KCNAB2: variants seen among roughly 807,000 people sequenced by gnomAD.
KCNAB2 encodes potassium voltage-gated channel subfamily A regulatory beta subunit 2, also known as voltage-gated potassium channel subunit beta-2.
In KCNAB2, 29 loss-of-function variants were observed where a neutral mutation model predicts 63.6. The observed-to-expected ratio is 0.46, with a 90% confidence interval of 0.34 to 0.62. The LOEUF (loss-of-function observed/expected upper bound fraction) is 0.62. Among genes scored for constraint, KCNAB2 ranks in the 20% least tolerant of loss-of-function variants. The pLI is 0.01. For missense variants in KCNAB2, 359 were observed against 563.9 expected, an observed-to-expected ratio of 0.64 and a Z score of 3.68; for synonymous variants, 222 against 224.2, an observed-to-expected ratio of 0.99 and a Z score of 0.09.
chr1:6,097,782 C>A (rs1488218591), intron 15 of KCNAB2: 2 of 393,862 alleles, frequency 5.1e-6, no homozygotes, highest in African/African-American at 4.1e-5. Flanking sequence ...TGCAAAGGCC[C>A]AAAAAGGCCT....
intron 1 of KCNAB2, among the ~76,000 whole-genome samples, chr1:6,014,658 T>A (rs2100293462): frequency 6.6e-6 from 1 of 152,216 alleles, no homozygotes; most frequent in African/African-American, 2.4e-5. Flanking sequence ...CCAGAGAAGA[T>A]GAACCTGATG....
At position 6,096,716 on chromosome 1, in the gene KCNAB2, C is replaced by T. The variant is rs1358226540; in HGVS notation, c.1029C>T (p.Ile343=). The T allele has an allele frequency of 4.4e-6, 7 of 1,596,600 alleles. No homozygotes were observed. The highest frequency in any genetic ancestry group is 4.5e-5 in the East Asian group (2 of 44,184). ...QQAKLKELQA[I]AERLGCTLPQ... is the part of the protein sequence containing the mutation. Reference sequence around the variant, plus strand: ...CCAAGCTGAAGGAGCTGCAGGCCATCGCCGAGCGCCTGGGCTGCACCCTGC... The same window carrying T: ...CCAAGCTGAAGGAGCTGCAGGCCATTGCCGAGCGCCTGGGCTGCACCCTGC... The change falls in exon 14 of 16, where the codon ATC becomes ATT. Residue 343 remains isoleucine (I), a synonymous_variant. Transcript: ENST00000378083. This position sits in a 1 kb window ranked among gnomAD's most constrained non-coding sequence, Gnocchi z 5.9.
chr1:6,008,833 G>C (rs1230608568), intron 1 of KCNAB2, among the ~76,000 whole-genome samples: 1 of 152,124 alleles, frequency 6.6e-6, no homozygotes, highest in African/African-American at 2.4e-5. Flanking sequence ...GAGGTCACCT[G>C]GGGGACTTGT....
rs1167883846 is a variant in KCNAB2 at position 6,101,149 on chromosome 1, T to C, written c.*2575T>C. The C allele has an allele frequency of 6.6e-6, 1 of 152,178 alleles. No homozygotes were observed. The highest frequency in any genetic ancestry group is 1.9e-4 in the East Asian group (1 of 5,186). The allele number at this position is 152,178 out of a possible 1,614,324, so 9.4% of individuals were successfully genotyped here. On this transcript the variant is annotated 3_prime_UTR_variant, in exon 16 of 16. Transcript: ENST00000378083. ...GACCGCGACACAGCCACCGTATTTATGGAATGACAAAATAAATAAAGCCCA... is the reference window on the plus strand; with the variant it reads ...GACCGCGACACAGCCACCGTATTTACGGAATGACAAAATAAATAAAGCCCA...
At position 6,046,101 on chromosome 1, in the gene KCNAB2, G is replaced by A. The variant is rs781285127; in HGVS notation, c.-109G>A. The A allele has an allele frequency of 8.1e-6, 8 of 985,324 alleles. No individual in the cohort carries two copies. Among genetic ancestry groups the A allele is most frequent in the Non-Finnish European group, 9.6e-6 (8 of 829,934 alleles). 61.0% of individuals were successfully genotyped at this position (985,324 alleles called of 1,614,324 possible). On this transcript the variant is annotated 5_prime_UTR_variant, in exon 1 of 16. The change creates a new upstream start codon in the 5' untranslated region. Transcript: ENST00000378083. ...GACACTCCCTAATGAAAAAGCCGCT[G>A]TGCCAGATCCTTAGAGTGTCTGGTG...
intron 1 of KCNAB2, among the ~76,000 whole-genome samples, chr1:6,015,089 T>C (rs900579932): frequency 1.1e-4 from 15 of 138,274 alleles, no homozygotes; most frequent in Middle Eastern, 4.4e-3. Flanking sequence ...TGGAGTGCAG[T>C]GGCGGGATCT....
intron 2 of KCNAB2, among the ~76,000 whole-genome samples, chr1:6,057,426 G>A (rs985624897): frequency 6.6e-6 from 1 of 152,130 alleles, no homozygotes; most frequent in African/African-American, 2.4e-5. Context: ...AAGGACAGGC[G>A]GGAAGGAGGG....
chr1:6,063,944 A>G (rs1662533645), intron 2 of KCNAB2, among the ~76,000 whole-genome samples: 1 of 152,154 alleles, frequency 6.6e-6, no homozygotes, highest in Non-Finnish European at 1.5e-5. Context: ...GACATTTTAC[A>G]CTTGGTGACT....
intron 1 of KCNAB2, among the ~76,000 whole-genome samples, chr1:6,023,344 A>T (rs988877286): frequency 6.6e-6 from 1 of 152,192 alleles, no homozygotes; most frequent in Non-Finnish European, 1.5e-5. Flanking sequence ...TCATATAGTA[A>T]TTCGACTTTT....
intron 1 of KCNAB2, among the ~76,000 whole-genome samples, chr1:6,039,522 A>G (rs1400514418): frequency 6.6e-6 from 1 of 152,196 alleles, no homozygotes; most frequent in African/African-American, 2.4e-5. Flanking sequence ...CATACTCATT[A>G]TCAATGCTGC....
rs536702599 is a variant in KCNAB2 at position 5,994,507 on chromosome 1, T to C, written c.-53+1719T>C. On this transcript the variant is annotated intron_variant, in intron 1 of 16. Transcript: ENST00000341524. The surrounding 1 kb of genome is among the most constrained non-coding windows in gnomAD (Gnocchi z 5.4). ...CCTCGAGAGCAGCATGGTAGGGGCTTCCCTGTTGACACCCAGGGCCATTTT... is the reference window on the plus strand; with the variant it reads ...CCTCGAGAGCAGCATGGTAGGGGCTCCCCTGTTGACACCCAGGGCCATTTT... Among the ~76,000 whole-genome samples, 5 of 152,072 alleles carry C rather than the reference T, an allele frequency of 3.3e-5. No homozygotes were observed. In the South Asian group the frequency reaches 1.0e-3, roughly 32 times the overall value.
chr1:6,014,285 C>T (rs149676316), intron 1 of KCNAB2, among the ~76,000 whole-genome samples: 24 of 152,266 alleles, frequency 1.6e-4, no homozygotes, highest in African/African-American at 4.8e-4. Context: ...CCAGCTTCAG[C>T]GTAGGACTTG....
chr1:6,065,093 C>G (rs1662628580), intron 2 of KCNAB2, among the ~76,000 whole-genome samples: 2 of 152,206 alleles, frequency 1.3e-5, no homozygotes, highest in African/African-American at 4.8e-5. Flanking sequence ...TGTGCCAATC[C>G]CCCAGCGGAT....
At chr1:6,072,861 C>A in intron 3 of KCNAB2, 63 bp downstream of exon 3, 2 of 1,520,746 alleles carry the variant, frequency 1.3e-6, no homozygotes, top group South Asian at 2.3e-5. Flanking sequence ...CGGGCATGGA[C>A]TGAACTGGAC....
rs1462383968 is a variant in KCNAB2, at chr1:6,096,051, T to C, written c.948+427T>C. 2.2e-6 allele frequency: 1 copy of C among 458,386 alleles called. No individual in the cohort carries two copies. The highest frequency in any genetic ancestry group is 4.4e-6 in the Non-Finnish European group (1 of 228,710). 28.4% of individuals were successfully genotyped at this position (458,386 alleles called of 1,614,324 possible). A position where few individuals can be genotyped will look rare whatever the true frequency, so the allele number is the denominator to read the frequency against. ...CCCTCCCCACCACACAACCTCTGAG[T>C]GGGGACTCAGGAGGGTCCCCAGACT... is the stretch of plus-strand genomic sequence containing the variant. On this transcript the variant is annotated intron_variant, in intron 13 of 15. Coordinates refer to ENST00000378083, the MANE Select transcript of KCNAB2 (RefSeq NM_001199862.2). This position sits in a 1 kb window ranked among gnomAD's most constrained non-coding sequence, Gnocchi z 5.9.
intron 1 of KCNAB2, among the ~76,000 whole-genome samples, chr1:6,017,406 C>CTGTGTGTGTGTGTGTGTGTGTG (rs56202547): frequency 1.0e-3 from 149 of 147,298 alleles, no homozygotes; most frequent in African/African-American, 3.0e-3. Context: ...CCATACCTGG[C>CTGTGTGTGTGTGTGTGTGTGTG]TGTGTGTGTG....
chr1:6,094,760 G>A (rs764164277), intron 11 of KCNAB2, among the ~76,000 whole-genome samples: 2 of 152,232 alleles, frequency 1.3e-5, no homozygotes, highest in African/African-American at 4.8e-5. Context: ...TCTGCTAGGT[G>A]AGCCCCCATG....
In KCNAB2 at chr1:6,010,391, T is replaced by G. The variant is rs190331333; in HGVS notation, c.-53+17603T>G. Among the ~76,000 whole-genome samples the G allele has an allele frequency of 3.9e-5, 6 of 152,090 alleles. No individual in the cohort carries two copies. The East Asian group carries it at 1.2e-3, about 29-fold the overall frequency. ...AGGAGGATCTCTTGAACCCGAGAGT[T>G]CAAGTTCAACCTGGGCAACATAGCA... On this transcript the variant is annotated intron_variant, in intron 1 of 16. Coordinates refer to the KCNAB2 transcript ENST00000341524.
intron 4 of KCNAB2, among the ~76,000 whole-genome samples, chr1:6,079,449 G>A (rs780333178): frequency 2.6e-5 from 4 of 151,984 alleles, no homozygotes; most frequent in Non-Finnish European, 5.9e-5. Flanking sequence ...AAGCCAGGAG[G>A]CAAAGGTTGC....
Sources: gnomAD v4.1 joint callset for allele counts (sites outside exome capture counted in the v4.1 genomes callset) on GRCh38, gnomAD v4.1.1 for gene constraint, Gnocchi (gnomAD v3.1) non-coding constraint, MANE v1.5 for transcripts, NCBI Gene and HGNC (gene_info 2026-07-23, HGNC 2026-07-21) for gene names.